The following KCNMA1 variants were observed in gnomAD, a reference collection of about 807,000 sequenced individuals.
KCNMA1 encodes potassium calcium-activated channel subfamily M alpha 1.
In KCNMA1, 29 loss-of-function variants were observed where a neutral mutation model predicts 140.0. The observed-to-expected ratio is 0.21, with a 90% CI of 0.15 to 0.28. The LOEUF (loss-of-function observed/expected upper bound fraction) is 0.28, where lower values mean the gene tolerates loss of function less well. KCNMA1 is among the 10% of genes least tolerant of loss of function. The pLI is 1.00. For synonymous variants in KCNMA1, 612 were observed against 611.9 expected (o/e 1.00, Z 0.00); for missense variants, 880 against 1,602.2 (o/e 0.55, Z 7.70).
At chr10:77,569,761 C>A (rs2070148216) in intron 1 of KCNMA1, among the ~76,000 whole-genome samples, 1 of 152,164 alleles carries the variant, frequency 6.6e-6, no homozygotes, top group Non-Finnish European at 1.5e-5. Flanking sequence ...TCAAGAGCTT[C>A]TGCACAGCAA....
chr10:76,909,941 A>T lies in KCNMA1; in HGVS notation c.3147+25T>A, dbSNP rs141315319. 8.8e-3 allele frequency: 14,153 copies of T among 1,610,360 alleles called. 213 individuals carry two copies. The highest frequency in any genetic ancestry group is 0.043 in the Admixed American group (2,598 of 59,822). ...TTGGCACATCCTCCACCCTTGAGTG[A>T]GGAGGAGGGAACAGGATAACTCACC... On this transcript the variant is annotated intron_variant, in intron 25 of 27. Transcript: ENST00000286628.
intron 1 of KCNMA1, among the ~76,000 whole-genome samples, chr10:77,503,069 T>G (rs114492225): frequency 1.3e-3 from 191 of 152,154 alleles, no homozygotes; most frequent in African/African-American, 4.4e-3. Context: ...CTAGGCAACA[T>G]AGCTAGATCC....
intron 15 of KCNMA1, among the ~76,000 whole-genome samples, chr10:77,033,838 C>A (rs902986139): frequency 1.3e-5 from 2 of 152,174 alleles, no homozygotes; most frequent in Admixed American, 1.3e-4. Context: ...GTAGAAATAA[C>A]CACCAATACT....
intron 1 of KCNMA1, among the ~76,000 whole-genome samples, chr10:77,600,059 A>G (rs2082147637): frequency 6.6e-6 from 1 of 152,222 alleles, no homozygotes; most frequent in Non-Finnish European, 1.5e-5. Context: ...TGTGGGAAGC[A>G]GGCTGATCGC....
intron 16 of KCNMA1, among the ~76,000 whole-genome samples, chr10:77,026,515 T>A (rs1231498110): frequency 6.6e-6 from 1 of 152,202 alleles, no homozygotes; most frequent in East Asian, 1.9e-4. Context: ...GCTGAACAAC[T>A]AATAATCAGG....
At chr10:77,260,014 G>A (rs1026285159) in intron 2 of KCNMA1, among the ~76,000 whole-genome samples, 1 of 152,176 alleles carries the variant, frequency 6.6e-6, no homozygotes, top group Admixed American at 6.6e-5. Context: ...AAAGAGAGGT[G>A]GGAGAAACAT....
At chr10:77,393,639 C>A in intron 2 of KCNMA1, among the ~76,000 whole-genome samples, 1 of 152,248 alleles carries the variant, frequency 6.6e-6, no homozygotes, top group Non-Finnish European at 1.5e-5. Context: ...CCACACACAG[C>A]AGCTCCTTCC....
intron 1 of KCNMA1, among the ~76,000 whole-genome samples, chr10:77,550,906 C>G (rs2062680292): frequency 1.3e-5 from 2 of 152,166 alleles, no homozygotes; most frequent in Admixed American, 1.3e-4. Flanking sequence ...AGACTCCAAC[C>G]AAGATTTTGG....
intron 1 of KCNMA1, among the ~76,000 whole-genome samples, chr10:77,629,182 T>C (rs1375387619): frequency 6.6e-6 from 1 of 152,220 alleles, no homozygotes; most frequent in Non-Finnish European, 1.5e-5. Flanking sequence ...CATTTCCAAA[T>C]TGGCAATTAG....
intron 2 of KCNMA1, among the ~76,000 whole-genome samples, chr10:77,283,185 T>C (rs2069336462): frequency 6.6e-6 from 1 of 152,254 alleles, no homozygotes; most frequent in Non-Finnish European, 1.5e-5. Context: ...ACAGGCTGTG[T>C]TGCAGAATAG....
At chr10:77,621,389 G>C (rs2091312180) in intron 1 of KCNMA1, among the ~76,000 whole-genome samples, 1 of 152,100 alleles carries the variant, frequency 6.6e-6, no homozygotes, top group Non-Finnish European at 1.5e-5. Context: ...TATCTCATGT[G>C]GGATAATAAG....
intron 19 of KCNMA1, among the ~76,000 whole-genome samples, chr10:76,985,376 G>A (rs1011790919): frequency 3.9e-5 from 6 of 152,160 alleles, no homozygotes; most frequent in African/African-American, 1.4e-4. Flanking sequence ...TAAGAAATCA[G>A]GAAAATGCAT....
chr10:77,251,326 A>G lies in KCNMA1; in HGVS notation c.541-70T>C, dbSNP rs866605161. 16 of 1,212,172 alleles carry G rather than the reference A, an allele frequency of 1.3e-5. No individual in the cohort carries two copies. In the Middle Eastern group the frequency reaches 2.2e-3, roughly 169 times the overall value. 75.1% of individuals were successfully genotyped at this position (1,212,172 alleles called of 1,614,324 possible). A position where few individuals can be genotyped will look rare whatever the true frequency, so the allele number is the denominator to read the frequency against. On this transcript the variant is annotated intron_variant, in intron 2 of 27. Transcript: ENST00000286628. The stretch of plus-strand genomic sequence containing the variant: ...AGGATGTTTGGGTTTTTTGACACAT[A>G]CCGAAGCAGCTTTGAAATACGGTGC...
In KCNMA1 at chr10:77,073,186, A is replaced by G. The variant is rs2153710236; in HGVS notation, c.1660T>C (p.Leu554=). The G allele has an allele frequency of 6.2e-7, 1 of 1,614,132 alleles. No homozygotes were observed. Among genetic ancestry groups the G allele is most frequent in the Non-Finnish European group, 8.5e-7 (1 of 1,180,012 alleles). ...CTCTGGGCTATGAAGCCCAACTTCA[A>G]CTCTGCGAGGCAGATTGCGTCATCA... The part of the protein sequence containing the change: ...EGDDAICLAE[L]KLGFIAQSCL... Residue 554 remains leucine, a synonymous_variant, in exon 14 of 28, where the codon TTG becomes CTG. Coordinates refer to ENST00000286628, the MANE Select transcript of KCNMA1 (RefSeq NM_001161352.2).
intron 2 of KCNMA1, chr10:77,315,335 T>C (rs927710203): frequency 7.9e-5 from 12 of 152,228 alleles, no homozygotes; most frequent in African/African-American, 2.4e-4. Flanking sequence ...GGCAAGCTCA[T>C]TGAGAAAAGA....
intron 23 of KCNMA1, among the ~76,000 whole-genome samples, chr10:76,918,429 C>T (rs1410595910): frequency 6.6e-6 from 1 of 152,172 alleles, no homozygotes; most frequent in Non-Finnish European, 1.5e-5. Context: ...CTTTGTTGAT[C>T]ATGGCCATGG....
chr10:77,319,374 C>G (rs2081721698), intron 2 of KCNMA1, among the ~76,000 whole-genome samples: 1 of 152,162 alleles, frequency 6.6e-6, no homozygotes, highest in Non-Finnish European at 1.5e-5. Flanking sequence ...TATCTCATGG[C>G]AAATGCTCTA....
chr10:77,564,122 C>T lies in KCNMA1; in HGVS notation c.378+73143G>A, dbSNP rs539103128. Among the ~76,000 whole-genome samples, 165 of 152,116 alleles carry T rather than the reference C, an allele frequency of 1.1e-3. 1 individual carries two copies. The highest frequency in any genetic ancestry group is 1.7e-3 in the Non-Finnish European group (115 of 68,010). ...GGCAATAAAAGAAAGTGAATTATAC[C>T]GGGCAGAAAACAAGGAACAAAAAGA... On this transcript the variant is annotated intron_variant, in intron 1 of 27. Transcript: ENST00000286628.
intron 14 of KCNMA1, among the ~76,000 whole-genome samples, chr10:77,058,169 G>A (rs560713934): frequency 1.3e-5 from 2 of 151,950 alleles, no homozygotes; most frequent in South Asian, 4.1e-4. Context: ...AAAATTACAA[G>A]GATATAGGGA....
Sources: gnomAD v4.1 joint callset for allele counts (sites outside exome capture counted in the v4.1 genomes callset) on GRCh38, gnomAD v4.1.1 for gene constraint, MANE v1.5 for transcripts, NCBI Gene and HGNC (gene_info 2026-07-23, HGNC 2026-07-21) for gene names.